The following DOCK1 variants were observed in gnomAD, a reference collection of about 807,000 sequenced individuals.
The protein encoded by DOCK1 is dedicator of cytokinesis protein 1.
DOCK1 carries 138 observed loss-of-function variants against 262.7 expected under a neutral mutation model. The observed-to-expected ratio is 0.53, with a 90% CI of 0.46 to 0.61. The LOEUF is 0.61. DOCK1 is among the 20% of genes least tolerant of loss of function. The pLI is 0.00. For missense variants in DOCK1, 1,908 were observed against 2,370.7 expected, an observed-to-expected ratio of 0.80 and a Z score of 4.05; for synonymous variants, 866 against 867.4, an observed-to-expected ratio of 1.00 and a Z score of 0.03.
At chr10:127,123,365 G>T (rs1485647633) in intron 25 of DOCK1, among the ~76,000 whole-genome samples, 1 of 152,178 alleles carries the variant, frequency 6.6e-6, no homozygotes, top group East Asian at 1.9e-4. Context: ...TTGGCACAGT[G>T]TGTGATGTGT....
At chr10:127,418,340 A>G (rs1336255640) in intron 44 of DOCK1, 25 bp from the exon 45 acceptor site, 3 of 1,580,488 alleles carry the variant, frequency 1.9e-6, no homozygotes, top group South Asian at 2.3e-5. Flanking sequence ...TGGGGCTGAC[A>G]TCGGGCTCTC....
In DOCK1 at chr10:126,987,509, C is replaced by T; in HGVS notation, c.228-12C>T. On this transcript the variant is annotated splice_polypyrimidine_tract_variant and intron_variant, in intron 4 of 51. Transcript: ENST00000623213. Reference sequence around the variant, plus strand: ...CCGTGGACTCAGCTGCTCTTTCCTTCTTTCCTCCCAGGCAACATGAAACAG... The same window carrying T: ...CCGTGGACTCAGCTGCTCTTTCCTTTTTTCCTCCCAGGCAACATGAAACAG... 1 of 1,569,444 alleles carries T rather than the reference C, an allele frequency of 6.4e-7. No homozygotes were observed. Among genetic ancestry groups the T allele is most frequent in the Non-Finnish European group, 8.6e-7 (1 of 1,156,798 alleles).
chr10:126,963,623 C>CCTT (rs1371616773), intron 1 of DOCK1, among the ~76,000 whole-genome samples: 6 of 71,690 alleles, frequency 8.4e-5, no homozygotes, highest in African/African-American at 4.8e-4. Flanking sequence ...CCCTTCCCTT[C>CCTT]CCTTCCCTTC....
At position 127,444,321 on chromosome 10, in the gene DOCK1, C is replaced by T. The variant is rs749907659; in HGVS notation, c.5413+42C>T. On this transcript the variant is annotated intron_variant, in intron 50 of 51. Transcript: ENST00000623213. ...CCACATACGAATCGTGCTATAGCTCCGTGACTTCCCCTCACTGAAGGCTCT... is the reference window on the plus strand; with the variant it reads ...CCACATACGAATCGTGCTATAGCTCTGTGACTTCCCCTCACTGAAGGCTCT... 1.8e-5 allele frequency: 27 copies of T among 1,540,188 alleles called. No individual in the cohort carries two copies. The East Asian group carries it at 1.8e-4, about 10-fold the overall frequency.
At chr10:127,408,159 C>G (rs554386376) in intron 40 of DOCK1, among the ~76,000 whole-genome samples, 1 of 152,240 alleles carries the variant, frequency 6.6e-6, no homozygotes, top group East Asian at 1.9e-4. Context: ...AAGACAGCCT[C>G]GTGGAAGGAA....
intron 27 of DOCK1, among the ~76,000 whole-genome samples, chr10:127,182,358 G>A (rs2055819960): frequency 6.6e-6 from 1 of 152,090 alleles, no homozygotes; most frequent in African/African-American, 2.4e-5. Context: ...AACCACAAAG[G>A]CTCACACTGG....
chr10:127,008,128 C>T (rs2041172335), intron 10 of DOCK1, among the ~76,000 whole-genome samples: 1 of 152,120 alleles, frequency 6.6e-6, no homozygotes, highest in Non-Finnish European at 1.5e-5. Flanking sequence ...GGCAGGGTCT[C>T]ACTCTGTCAC....
At chr10:127,300,344 T>A (rs1040343101) in intron 29 of DOCK1, among the ~76,000 whole-genome samples, 1 of 152,212 alleles carries the variant, frequency 6.6e-6, no homozygotes, top group Admixed American at 6.5e-5. Context: ...CTTCTAAAGC[T>A]TCTTGGGAAA....
At chr10:127,429,422 G>C (rs2069129703) in intron 47 of DOCK1, among the ~76,000 whole-genome samples, 1 of 152,016 alleles carries the variant, frequency 6.6e-6, no homozygotes, top group South Asian at 2.1e-4. Flanking sequence ...TGCCTTTCCT[G>C]TCTTACCTAC....
chr10:127,442,812 A>C (rs1285849206), intron 49 of DOCK1, among the ~76,000 whole-genome samples: 1 of 152,200 alleles, frequency 6.6e-6, no homozygotes, highest in Non-Finnish European at 1.5e-5. Context: ...TCTTGACCGC[A>C]CGGATGTTGC....
chr10:127,237,941 C>T (rs1028673113), intron 27 of DOCK1, among the ~76,000 whole-genome samples: 3 of 152,172 alleles, frequency 2.0e-5, no homozygotes, highest in Admixed American at 2.0e-4. Context: ...GTTAAACACA[C>T]GTACCCACCT....
chr10:127,020,474 G>A (rs536814151), intron 13 of DOCK1, among the ~76,000 whole-genome samples: 8 of 151,976 alleles, frequency 5.3e-5, no homozygotes, highest in African/African-American at 1.9e-4. Flanking sequence ...GGCTGAGGTG[G>A]GAGGATCCCT....
rs181701713 is a variant in DOCK1 at position 127,152,787 on chromosome 10, C to T, written c.2847+25023C>T. Among the ~76,000 whole-genome samples, 82 of 152,334 alleles carry T rather than the reference C, an allele frequency of 5.4e-4. No individual in the cohort carries two copies. The Middle Eastern group carries it at 0.01, about 19-fold the overall frequency. On this transcript the variant is annotated intron_variant, in intron 27 of 51. Coordinates refer to ENST00000623213, the MANE Select transcript of DOCK1 (RefSeq NM_001290223.2). Reference sequence around the variant, plus strand: ...TTAAGGAATGTGCTGATGTGGCCTTCGGTGCCTATCTCTACCTGTGGTTTC... The same window carrying T: ...TTAAGGAATGTGCTGATGTGGCCTTTGGTGCCTATCTCTACCTGTGGTTTC...
At chr10:127,255,018 G>A (rs2059781906) in intron 28 of DOCK1, among the ~76,000 whole-genome samples, 1 of 152,190 alleles carries the variant, frequency 6.6e-6, no homozygotes, top group Non-Finnish European at 1.5e-5. Context: ...TGCAGACAGA[G>A]GTATGACACG....
intron 27 of DOCK1, among the ~76,000 whole-genome samples, chr10:127,226,770 C>CA (rs558107726): frequency 2.6e-5 from 4 of 151,566 alleles, no homozygotes; most frequent in South Asian, 4.2e-4. Flanking sequence ...AACAAACAAA[C>CA]AAAAAAAAGA....
At chr10:126,977,429 G>A (rs1030594534) in intron 2 of DOCK1, among the ~76,000 whole-genome samples, 2 of 152,170 alleles carry the variant, frequency 1.3e-5, no homozygotes, top group African/African-American at 4.8e-5. Context: ...GGGCTGTATT[G>A]TTGCTACAGA....
At chr10:127,373,745 A>C (rs537477520) in intron 33 of DOCK1, 36 bp from the exon 34 acceptor site, 179 of 1,552,114 alleles carry the variant, frequency 1.2e-4, no homozygotes, top group Non-Finnish European at 1.6e-4. Flanking sequence ...AATACTCGCC[A>C]TGCTGATTAT....
chr10:127,311,505 A>G (rs1306611532), intron 29 of DOCK1, among the ~76,000 whole-genome samples: 1 of 152,242 alleles, frequency 6.6e-6, no homozygotes, highest in East Asian at 1.9e-4. Flanking sequence ...AAAAAGTTTC[A>G]GGTTTTGGAG....
At chr10:127,432,868 T>C (rs947062162) in intron 47 of DOCK1, among the ~76,000 whole-genome samples, 1 of 152,218 alleles carries the variant, frequency 6.6e-6, no homozygotes, top group African/African-American at 2.4e-5. Context: ...TTCATGCATT[T>C]TGATGGCCCG....
Sources: gnomAD v4.1 joint callset for allele counts (sites outside exome capture counted in the v4.1 genomes callset) on GRCh38, gnomAD v4.1.1 for gene constraint, MANE v1.5 for transcripts, NCBI Gene and HGNC (gene_info 2026-07-23, HGNC 2026-07-21) for gene names.